MB21D2: variants seen among roughly 807,000 people sequenced by gnomAD.
MB21D2 encodes the protein Mab-21 domain containing 2, also known as nucleotidyltransferase MB21D2.
MB21D2 carries 9 observed loss-of-function variants against 33.3 expected under a neutral mutation model. That is an observed-to-expected ratio of 0.27 (90% confidence interval 0.16 to 0.47). MB21D2 has a LOEUF of 0.47. Ranked by LOEUF, MB21D2 falls within the 20% of genes least tolerant of loss-of-function variation. The probability of loss-of-function intolerance (pLI) is 0.99; values close to 1 mark genes in which losing one functional copy is unlikely to be tolerated. For synonymous variants in MB21D2, 241 were observed against 236.3 expected (o/e 1.02, Z -0.18); for missense variants, 540 against 624.6 (o/e 0.86, Z 1.44).
chr3:192,870,636 G>A (rs937503484), intron 1 of MB21D2, among the ~76,000 whole-genome samples: 2 of 147,506 alleles, frequency 1.4e-5, no homozygotes, highest in Admixed American at 6.8e-5. Context: ...ACTGGAACCT[G>A]GGAGGTGGAG....
intron 1 of MB21D2, among the ~76,000 whole-genome samples, chr3:192,875,428 T>C (rs1349499011): frequency 6.6e-6 from 1 of 152,204 alleles, no homozygotes; most frequent in Admixed American, 6.5e-5. Flanking sequence ...CATGGATGCG[T>C]AGAGAAAAGG....
rs747311446 is a variant in MB21D2 at position 192,917,733 on chromosome 3, C to G, written c.108G>C (p.Leu36Phe). 6.2e-7 allele frequency: 1 copy of G among 1,614,118 alleles called. No individual in the cohort carries two copies. The highest frequency in any genetic ancestry group is 2.2e-5 in the East Asian group (1 of 44,880). The stretch of plus-strand genomic sequence containing the variant: ...TCGTAAATTCTTGGATGAGTTTGTT[C>G]AATTCCTCCACCCGAGCTCCCGACC... Reference protein sequence around the residue: ...DFRSGARVEELNKLIQEFTKH... With the variant: ...DFRSGARVEEFNKLIQEFTKH... The change falls in exon 1 of 2, where the codon TTG becomes TTC. Residue 36 changes from leucine to phenylalanine, a missense_variant. Coordinates refer to ENST00000392452, the MANE Select transcript of MB21D2 (RefSeq NM_178496.4).
At chr3:192,907,168 TAA>T (rs747967184) in intron 1 of MB21D2, among the ~76,000 whole-genome samples, 9 of 151,448 alleles carry the variant, frequency 5.9e-5, no homozygotes, top group Non-Finnish European at 1.0e-4. Flanking sequence ...GAACAGTTCT[TAA>T]AAGAGATCAC....
Position 192,846,397 on chromosome 3 carries a change from T to C in MB21D2, c.212-46747A>G, listed in dbSNP as rs146020789. Among the ~76,000 whole-genome samples, 267 of 152,252 alleles carry C rather than the reference T, an allele frequency of 1.8e-3. 1 individual carries two copies. The highest frequency in any genetic ancestry group is 6.2e-3 in the African/African-American group (256 of 41,556). Reference sequence around the variant, plus strand: ...TTTCAATGAATCTTCATAACAAAGTTTTGGTATTTTGTTTTATTTTGTTTT... The same window carrying C: ...TTTCAATGAATCTTCATAACAAAGTCTTGGTATTTTGTTTTATTTTGTTTT... On this transcript the variant is annotated intron_variant, in intron 1 of 1. Coordinates refer to ENST00000392452, the MANE Select transcript of MB21D2 (RefSeq NM_178496.4).
At chr3:192,884,838 A>G (rs1253208417) in intron 1 of MB21D2, among the ~76,000 whole-genome samples, 1 of 152,226 alleles carries the variant, frequency 6.6e-6, no homozygotes, top group Admixed American at 6.5e-5. Context: ...AGCCCAATAA[A>G]TATCTGAATA....
intron 1 of MB21D2, among the ~76,000 whole-genome samples, chr3:192,812,196 C>T (rs1203190592): frequency 1.3e-5 from 2 of 151,948 alleles, no homozygotes; most frequent in African/African-American, 2.4e-5. Context: ...TACAGATGTG[C>T]GCCACCACGC....
chr3:192,850,831 T>C (rs2108629317), intron 1 of MB21D2, among the ~76,000 whole-genome samples: 1 of 152,346 alleles, frequency 6.6e-6, no homozygotes, highest in Middle Eastern at 3.4e-3. Flanking sequence ...TCTGAGCTAC[T>C]GAACTCCACA....
intron 1 of MB21D2, among the ~76,000 whole-genome samples, chr3:192,849,689 TC>T (rs1482448700): frequency 6.6e-6 from 1 of 152,228 alleles, no homozygotes; most frequent in African/African-American, 2.4e-5. Context: ...CAACCTTTTT[TC>T]ATGACACTTA....
intron 1 of MB21D2, among the ~76,000 whole-genome samples, chr3:192,895,799 C>T (rs796896531): frequency 7.9e-5 from 12 of 152,176 alleles, no homozygotes; most frequent in African/African-American, 2.9e-4. Flanking sequence ...GTGGCACGAT[C>T]CTGGCTCATT....
chr3:192,868,712 T>C (rs1020361808), intron 1 of MB21D2, among the ~76,000 whole-genome samples: 4 of 152,060 alleles, frequency 2.6e-5, no homozygotes, highest in Admixed American at 2.0e-4. Context: ...AATGAAAAGG[T>C]TGGTCTGTGC....
intron 1 of MB21D2, among the ~76,000 whole-genome samples, chr3:192,812,998 T>A (rs1302793277): frequency 6.6e-6 from 1 of 152,136 alleles, no homozygotes; most frequent in East Asian, 1.9e-4. Flanking sequence ...CGTCTTACAA[T>A]CTTAGAATAA....
At chr3:192,851,752 G>A (rs1712811303) in intron 1 of MB21D2, among the ~76,000 whole-genome samples, 3 of 152,000 alleles carry the variant, frequency 2.0e-5, no homozygotes, top group South Asian at 2.1e-4. Context: ...CCCCTGACTC[G>A]GCCTCCCAAA....
At chr3:192,885,059 T>C (rs1439167323) in intron 1 of MB21D2, among the ~76,000 whole-genome samples, 1 of 152,074 alleles carries the variant, frequency 6.6e-6, no homozygotes, top group Non-Finnish European at 1.5e-5. Context: ...GCAATAAATA[T>C]GACTAAGAGG....
intron 1 of MB21D2, among the ~76,000 whole-genome samples, chr3:192,895,730 T>G (rs535585895): frequency 1.7e-3 from 45 of 25,770 alleles, no homozygotes; most frequent in African/African-American, 4.1e-3. Flanking sequence ...GTTTTTGGGG[T>G]TTTTTTTTGT....
intron 1 of MB21D2, among the ~76,000 whole-genome samples, chr3:192,805,465 TTTA>T (rs1204573140): frequency 1.3e-5 from 2 of 152,246 alleles, no homozygotes; most frequent in African/African-American, 4.8e-5. Flanking sequence ...TGCATATAAT[TTTA>T]TTTTTTTAGA....
chr3:192,861,726 C>T (rs1271449816), intron 1 of MB21D2, among the ~76,000 whole-genome samples: 1 of 152,166 alleles, frequency 6.6e-6, no homozygotes, highest in East Asian at 1.9e-4. Flanking sequence ...ATCACTTGAA[C>T]CCGGGAGGTG....
In MB21D2 at chr3:192,833,842, C is replaced by G. The variant is rs573982866; in HGVS notation, c.212-34192G>C. ...AGCCTGGCTGCCCAGGCTAACTTCA[C>G]CCTCTTCTCCTTCTAGGGAAAGGTC... On this transcript the variant is annotated intron_variant, in intron 1 of 1. Coordinates refer to ENST00000392452, the MANE Select transcript of MB21D2 (RefSeq NM_178496.4). Among the ~76,000 whole-genome samples the G allele has an allele frequency of 2.6e-5, 4 of 152,334 alleles. No individual in the cohort carries two copies. The South Asian group carries it at 8.3e-4, about 32-fold the overall frequency.
rs74287967 is a variant in MB21D2 at position 192,889,950 on chromosome 3, C to T, written c.211+27680G>A. Among the ~76,000 whole-genome samples, 105 of 151,998 alleles carry T rather than the reference C, an allele frequency of 6.9e-4. 2 individuals carry two copies. The highest frequency in any genetic ancestry group is 3.5e-4 in the Non-Finnish European group (24 of 67,990). On this transcript the variant is annotated intron_variant, in intron 1 of 1. Coordinates refer to ENST00000392452, the MANE Select transcript of MB21D2 (RefSeq NM_178496.4). ...GTCAGTTAGGAAAAAAAAAATCCAA[C>T]GGTAGACACCAGAAATGACTTCACT...
At chr3:192,812,412 G>A (rs1389736546) in intron 1 of MB21D2, among the ~76,000 whole-genome samples, 1 of 152,112 alleles carries the variant, frequency 6.6e-6, no homozygotes, top group Non-Finnish European at 1.5e-5. Flanking sequence ...GATGACTTGT[G>A]TATCTCCCAC....
Sources: allele counts gnomAD v4.1 joint callset (sites outside exome capture counted in the v4.1 genomes callset), GRCh38; gene constraint gnomAD v4.1.1; transcripts MANE v1.5; gene names NCBI Gene and HGNC (gene_info 2026-07-23, HGNC 2026-07-21).